The following ANK1 variants were observed in gnomAD, a reference collection of about 807,000 sequenced individuals.
ANK1 encodes the protein ankyrin 1.
A neutral mutation model predicts 210.4 loss-of-function variants in ANK1; 51 were observed. That is an observed-to-expected ratio of 0.24 (90% CI 0.19 to 0.31). The LOEUF (loss-of-function observed/expected upper bound fraction) is 0.31, where lower values mean the gene tolerates loss of function less well. ANK1 is among the 10% of genes least tolerant of loss of function. ANK1 has a pLI of 1.00. For synonymous variants in ANK1, 967 were observed against 1,025.9 expected, an observed-to-expected ratio of 0.94 and a Z score of 1.10; for missense variants, 2,051 against 2,504.4, an observed-to-expected ratio of 0.82 and a Z score of 3.86.
rs968024672 is a variant in ANK1 at position 41,654,573 on chromosome 8, C to T, written c.*1217G>A. 7 of 152,624 alleles carry T rather than the reference C, an allele frequency of 4.6e-5. No homozygotes were observed. Among genetic ancestry groups the T allele is most frequent in the African/African-American group, 1.7e-4 (7 of 41,464 alleles). 9.5% of individuals were successfully genotyped at this position (152,624 alleles called of 1,614,324 possible). A position where few individuals can be genotyped will look rare whatever the true frequency, so the allele number is the denominator to read the frequency against. ...CCTGACTTCTAAGACCTGGCAGATA[C>T]ATTCACTAGCCCTACTCCTTTCCTT... On this transcript the variant is annotated 3_prime_UTR_variant, in exon 43 of 43. Transcript: ENST00000289734.
Position 41,769,242 on chromosome 8 carries a change from G to T in ANK1, c.28-11105C>A, listed in dbSNP as rs1842515014. ...TCCACAGCACTGGGGCTGAACTTGA[G>T]GATGGGCACCCTCTCGAAGGCAGCA... On this transcript the variant is annotated intron_variant, in intron 1 of 42. Coordinates refer to ENST00000289734, the MANE Select transcript of ANK1 (RefSeq NM_000037.4). Among the ~76,000 whole-genome samples, 4 of 152,356 alleles carry T rather than the reference G, an allele frequency of 2.6e-5. No individual in the cohort carries two copies. The South Asian group carries it at 8.3e-4, about 32-fold the overall frequency.
At chr8:41,877,731 G>A (rs1205263250) in intron 1 of ANK1, among the ~76,000 whole-genome samples, 1 of 152,220 alleles carries the variant, frequency 6.6e-6, no homozygotes, top group Non-Finnish European at 1.5e-5. Context: ...GGGGCGAAGT[G>A]GTCGCTGGAG....
At position 41,696,702 on chromosome 8, in the gene ANK1, G is replaced by T; in HGVS notation, c.2709C>A (p.Ser903Arg). Residue 903 changes from serine (S) to arginine (R), a missense_variant, in exon 25 of 43, where the codon AGC becomes AGA. Coordinates refer to ENST00000289734, the MANE Select transcript of ANK1 (RefSeq NM_000037.4). Reference protein sequence around the residue: ...SPATETSDNISPVASPVHTGF... With the variant: ...SPATETSDNIRPVASPVHTGF... The stretch of plus-strand genomic sequence containing the variant: ...CTGTATGCACCGGGCTGGCCACCGG[G>T]CTGATGTTGTCTGAGGTCTCGGTGG... The T allele has an allele frequency of 6.2e-7, 1 of 1,603,464 alleles. No individual in the cohort carries two copies.
intron 2 of ANK1, among the ~76,000 whole-genome samples, chr8:41,756,395 C>T (rs1034438253): frequency 3.3e-5 from 5 of 151,684 alleles, no homozygotes; most frequent in Admixed American, 6.6e-5. Context: ...CTGCCTGCCT[C>T]GGCCTCCTAA....
chr8:41,699,647 T>C, intron 22 of ANK1, 99 bp from the exon 23 acceptor site: 2 of 1,118,874 alleles, frequency 1.8e-6, no homozygotes, highest in Non-Finnish European at 2.7e-6. Flanking sequence ...GGGGGCTTGC[T>C]CCTGAGGAGT....
At chr8:41,786,446 T>G (rs889532695) in intron 1 of ANK1, among the ~76,000 whole-genome samples, 7 of 152,214 alleles carry the variant, frequency 4.6e-5, no homozygotes, top group African/African-American at 1.7e-4. Flanking sequence ...GCAAAGATCT[T>G]TCAACAACAC....
chr8:41,868,135 A>G (rs1814822697), intron 1 of ANK1, among the ~76,000 whole-genome samples: 1 of 152,266 alleles, frequency 6.6e-6, no homozygotes, highest in Admixed American at 6.5e-5. Context: ...CTGGAATTAC[A>G]GGCATGAGCC....
At chr8:41,867,185 C>G (rs997047109) in intron 1 of ANK1, among the ~76,000 whole-genome samples, 2 of 152,180 alleles carry the variant, frequency 1.3e-5, no homozygotes, top group African/African-American at 4.8e-5. Context: ...CCTCTCAGGA[C>G]AAGACCCCAA....
rs1818921021 is a variant in ANK1, at chr8:41,690,317, C to G, written c.4014G>C (p.Gly1338=). The G allele has an allele frequency of 6.2e-7, 1 of 1,614,242 alleles. No homozygotes were observed. Among genetic ancestry groups the G allele is most frequent in the Non-Finnish European group, 8.5e-7 (1 of 1,180,048 alleles). ...TCGCCTTGCGCAGAAACGACAGGGA[C>G]CCTCCCGGCTCTCGACTGCTGTCCC... ...KVRDSSREPG[G]SLSFLRKAMK... Residue 1338 remains glycine, a synonymous_variant, in exon 33 of 43, where the codon GGG becomes GGC. Transcript: ENST00000289734.
chr8:41,780,230 G>C (rs974805368), intron 1 of ANK1, among the ~76,000 whole-genome samples: 2 of 151,934 alleles, frequency 1.3e-5, no homozygotes, highest in African/African-American at 4.8e-5. Context: ...TTAGAGATGG[G>C]GTCTTGCTAT....
intron 1 of ANK1, among the ~76,000 whole-genome samples, chr8:41,846,765 A>T (rs1376555730): frequency 2.0e-5 from 3 of 152,156 alleles, no homozygotes; most frequent in African/African-American, 7.2e-5. Context: ...AGGATACCCT[A>T]CGGCCCTCAT....
chr8:41,803,085 G>GGAAGGGAAGGAAAAGA (rs1563811160), intron 1 of ANK1, among the ~76,000 whole-genome samples: 1 of 59,996 alleles, frequency 1.7e-5, no homozygotes, highest in African/African-American at 7.9e-5. Flanking sequence ...GGAAGGAAGG[G>GGAAGGGAAGGAAAAGA]AAGGAAAGGA....
chr8:41,749,034 C>CAAA (rs55642051), intron 2 of ANK1, among the ~76,000 whole-genome samples: 3 of 143,124 alleles, frequency 2.1e-5, no homozygotes, highest in Non-Finnish European at 3.1e-5. Flanking sequence ...GACTCCATCT[C>CAAA]AAAAAAAAAA....
intron 37 of ANK1, among the ~76,000 whole-genome samples, chr8:41,675,579 A>C (rs1270863135): frequency 2.6e-5 from 4 of 152,212 alleles, no homozygotes; most frequent in African/African-American, 9.6e-5. Flanking sequence ...ATCTCTATTA[A>C]AAATAGCTTT....
chr8:41,779,140 G>A (rs1363019931), intron 1 of ANK1, among the ~76,000 whole-genome samples: 1 of 152,128 alleles, frequency 6.6e-6, no homozygotes, highest in African/African-American at 2.4e-5. Flanking sequence ...GGCTGTGACA[G>A]GTAAGCTCCA....
At chr8:41,778,202 T>C (rs1462313181) in intron 1 of ANK1, among the ~76,000 whole-genome samples, 1 of 152,168 alleles carries the variant, frequency 6.6e-6, no homozygotes, top group Admixed American at 6.5e-5. Flanking sequence ...TTGGGAAGAC[T>C]GCAAACTAAC....
intron 37 of ANK1, among the ~76,000 whole-genome samples, chr8:41,683,531 C>T (rs7844297): frequency 0.57 from 86,531 of 152,108 alleles, 24,933 homozygotes; most frequent in Middle Eastern, 0.63. Context: ...GGGATGGCCC[C>T]TAAGACAAGG....
intron 2 of ANK1, among the ~76,000 whole-genome samples, chr8:41,747,642 T>C (rs1354683561): frequency 6.6e-6 from 1 of 152,212 alleles, no homozygotes; most frequent in Non-Finnish European, 1.5e-5. Flanking sequence ...CACACAGGCC[T>C]ATCTTTTTTC....
At chr8:41,880,913 G>A (rs2150831335) in intron 1 of ANK1, among the ~76,000 whole-genome samples, 1 of 152,386 alleles carries the variant, frequency 6.6e-6, no homozygotes, top group Admixed American at 6.5e-5. Flanking sequence ...GTAGGGCCAA[G>A]GGCCATTTCC....
Sources: allele counts gnomAD v4.1 joint callset (sites outside exome capture counted in the v4.1 genomes callset), GRCh38; gene constraint gnomAD v4.1.1; transcripts MANE v1.5; gene names NCBI Gene and HGNC (gene_info 2026-07-23, HGNC 2026-07-21).